CDH18: variants seen among roughly 807,000 people sequenced by gnomAD.
The protein encoded by CDH18 is cadherin-18.
Under a neutral mutation model 67.9 loss-of-function variants are expected in CDH18, and 31 were observed. That is an observed-to-expected ratio of 0.46 (90% CI 0.34 to 0.62). CDH18 has a LOEUF of 0.62. CDH18 is among the 20% of genes least tolerant of loss of function. CDH18 has a pLI of 0.01. For synonymous variants in CDH18, 362 were observed against 347.2 expected, an observed-to-expected ratio of 1.04 and a Z score of -0.48; for missense variants, 890 against 975.5, an observed-to-expected ratio of 0.91 and a Z score of 1.17.
chr5:19,867,055 C>G lies in CDH18; in HGVS notation c.-256-27813G>C, dbSNP rs10473218. ...AGTGAGCTGAGATTGCGCCACTGCA[C>G]TCCAGCCTGGGCAACAGAGCAAGAC... On this transcript the variant is annotated intron_variant, in intron 2 of 12. Transcript: ENST00000382275. 5.1e-3 allele frequency among the ~76,000 whole-genome samples: 770 copies of G among 152,262 alleles called. 5 individuals are homozygous for G. The highest frequency in any genetic ancestry group is 0.017 in the African/African-American group (710 of 41,550).
At chr5:20,423,761 C>T (rs548276840) in intron 1 of CDH18, among the ~76,000 whole-genome samples, 3 of 149,980 alleles carry the variant, frequency 2.0e-5, no homozygotes, top group East Asian at 2.0e-4. Flanking sequence ...CTGGCTAACA[C>T]GGCGAAACTA....
At chr5:20,528,991 C>G (rs927833798) in intron 1 of CDH18, among the ~76,000 whole-genome samples, 4 of 151,522 alleles carry the variant, frequency 2.6e-5, no homozygotes, top group African/African-American at 9.7e-5. Flanking sequence ...AATAGACAGA[C>G]CTCTAGTTAA....
rs527244608 is a variant in CDH18, at chr5:20,314,330, A to G, written c.-579-58825T>C. On this transcript the variant is annotated intron_variant, in intron 1 of 14. Transcript: ENST00000507958. Reference sequence around the variant, plus strand: ...GAAAATAATAACCAAGATATTCTACATAAACTCCAGTACAAAGTGCCCACT... The same window carrying G: ...GAAAATAATAACCAAGATATTCTACGTAAACTCCAGTACAAAGTGCCCACT... Among the ~76,000 whole-genome samples, 10 of 152,142 alleles carry G rather than the reference A, an allele frequency of 6.6e-5. No individual in the cohort carries two copies. In the South Asian group the frequency reaches 2.1e-3, roughly 32 times the overall value.
intron 6 of CDH18, among the ~76,000 whole-genome samples, chr5:19,605,221 T>TA (rs910610386): frequency 6.6e-6 from 1 of 151,850 alleles, no homozygotes; most frequent in African/African-American, 2.4e-5. Flanking sequence ...AATTTCAAAA[T>TA]ATTCAATTCT....
chr5:19,582,723 A>T (rs186215945), intron 7 of CDH18, among the ~76,000 whole-genome samples: 9 of 152,126 alleles, frequency 5.9e-5, no homozygotes, highest in Non-Finnish European at 8.8e-5. Context: ...GTTTGTGATC[A>T]TGTGTTTGCC....
chr5:20,342,868 G>T (rs775021146), intron 1 of CDH18, among the ~76,000 whole-genome samples: 2 of 152,138 alleles, frequency 1.3e-5, no homozygotes, highest in Non-Finnish European at 2.9e-5. Flanking sequence ...GGATTCAAAG[G>T]CTTAGAGAGA....
intron 1 of CDH18, among the ~76,000 whole-genome samples, chr5:20,382,033 A>C (rs1025048887): frequency 2.0e-5 from 3 of 152,174 alleles, no homozygotes; most frequent in African/African-American, 7.2e-5. Context: ...TTGAACACTA[A>C]GCTGTGCTAA....
rs559102245 is a variant in CDH18 at position 20,489,825 on chromosome 5, G to C, written c.-580+85637C>G. Among the ~76,000 whole-genome samples, 223 of 151,512 alleles carry C rather than the reference G, an allele frequency of 1.5e-3. No homozygotes were observed. In the South Asian group the frequency reaches 0.018, roughly 12 times the overall value. On this transcript the variant is annotated intron_variant, in intron 1 of 14. Transcript: ENST00000507958. ...TATAAAATAACCATGGTTACTGTAG[G>C]GAATAACAATGTTTACTTTTATTCA...
intron 3 of CDH18, among the ~76,000 whole-genome samples, chr5:19,830,123 G>A (rs1321671046): frequency 6.6e-6 from 1 of 152,108 alleles, no homozygotes; most frequent in African/African-American, 2.4e-5. Context: ...TCTGGACATA[G>A]GTCCCAGCAA....
intron 1 of CDH18, among the ~76,000 whole-genome samples, chr5:20,380,828 T>C (rs1426050681): frequency 6.6e-6 from 1 of 152,162 alleles, no homozygotes; most frequent in African/African-American, 2.4e-5. Context: ...ACTGATTAAC[T>C]ATGGACAATT....
intron 2 of CDH18, among the ~76,000 whole-genome samples, chr5:20,196,966 G>C (rs947617769): frequency 5.3e-5 from 8 of 151,884 alleles, no homozygotes; most frequent in African/African-American, 1.7e-4. Context: ...TAATAGCATG[G>C]AGTGACATTG....
chr5:19,879,090 C>T (rs1561494929), intron 2 of CDH18, among the ~76,000 whole-genome samples: 1 of 151,838 alleles, frequency 6.6e-6, no homozygotes, highest in Non-Finnish European at 1.5e-5. Flanking sequence ...ATGAATAATA[C>T]TCTAATCTAA....
chr5:20,156,783 TC>T (rs1185181197), intron 2 of CDH18, among the ~76,000 whole-genome samples: 1 of 152,176 alleles, frequency 6.6e-6, no homozygotes, highest in African/African-American at 2.4e-5. Flanking sequence ...GTATTTCCCA[TC>T]ATAGGTGTTA....
At chr5:20,153,176 T>G (rs1188022898) in intron 2 of CDH18, among the ~76,000 whole-genome samples, 1 of 151,964 alleles carries the variant, frequency 6.6e-6, no homozygotes, top group Non-Finnish European at 1.5e-5. Flanking sequence ...TCTCCTGACC[T>G]TGTGATCTGC....
intron 10 of CDH18, among the ~76,000 whole-genome samples, chr5:19,508,080 C>T (rs185263508): frequency 6.0e-5 from 9 of 149,118 alleles, no homozygotes; most frequent in Middle Eastern, 3.5e-3. Context: ...CTTCCAAAAA[C>T]GAGAATGTCA....
chr5:20,503,030 CAG>C (rs1264686597), intron 1 of CDH18, among the ~76,000 whole-genome samples: 1 of 152,046 alleles, frequency 6.6e-6, no homozygotes, highest in Non-Finnish European at 1.5e-5. Context: ...CTTACACAGA[CAG>C]AGAAAGCCAA....
intron 2 of CDH18, among the ~76,000 whole-genome samples, chr5:19,895,851 G>A (rs1789266108): frequency 6.6e-6 from 1 of 152,070 alleles, no homozygotes; most frequent in Non-Finnish European, 1.5e-5. Context: ...CCAGGGGTGA[G>A]GGGACCAGTG....
intron 5 of CDH18, among the ~76,000 whole-genome samples, chr5:19,684,633 A>C (rs1284806817): frequency 6.6e-6 from 1 of 151,874 alleles, no homozygotes; most frequent in Non-Finnish European, 1.5e-5. Flanking sequence ...TCTTCAATAA[A>C]ACTACATGTT....
intron 1 of CDH18, among the ~76,000 whole-genome samples, chr5:20,488,271 C>T (rs1338678307): frequency 6.6e-6 from 1 of 152,016 alleles, no homozygotes; most frequent in Non-Finnish European, 1.5e-5. Flanking sequence ...CACCTAGGTC[C>T]ATACATACAC....
Sources: gnomAD v4.1 joint callset for allele counts (sites outside exome capture counted in the v4.1 genomes callset) on GRCh38, gnomAD v4.1.1 for gene constraint, MANE v1.5 for transcripts, NCBI Gene and HGNC (gene_info 2026-07-23, HGNC 2026-07-21) for gene names.